Variants in TAF1B observed in about 807,000 individuals in gnomAD.
TAF1B encodes the protein TATA-box binding protein associated factor, RNA polymerase I subunit B.
A neutral mutation model predicts 83.9 loss-of-function variants in TAF1B; 61 were observed. The observed-to-expected ratio is 0.73, with a 90% CI of 0.59 to 0.90. The LOEUF is 0.90. Among genes scored for constraint, TAF1B ranks in the 40% least tolerant of loss-of-function variants. The probability of loss-of-function intolerance (pLI) is 0.00; values close to 1 mark genes in which losing one functional copy is unlikely to be tolerated. For synonymous variants in TAF1B, 221 were observed against 224.6 expected (o/e 0.98, Z 0.14); for missense variants, 625 against 677.0 (o/e 0.92, Z 0.85).
chr2:9,931,293 CA>C (rs1666203665), intron 14 of TAF1B, among the ~76,000 whole-genome samples: 1 of 152,208 alleles, frequency 6.6e-6, no homozygotes, highest in Admixed American at 6.5e-5. Flanking sequence ...CATGTTTTTG[CA>C]GCGGCTGATA....
chr2:9,870,511 A>G (rs1664134683), intron 6 of TAF1B, among the ~76,000 whole-genome samples: 1 of 152,110 alleles, frequency 6.6e-6, no homozygotes, highest in African/African-American at 2.4e-5. Context: ...TTTGTAGTCT[A>G]CCTTCAGCTA....
At chr2:9,887,435 G>A (rs1664713619) in intron 8 of TAF1B, among the ~76,000 whole-genome samples, 1 of 152,098 alleles carries the variant, frequency 6.6e-6, no homozygotes, top group South Asian at 2.1e-4. Context: ...TACTAGGTGT[G>A]TAACATTTAC....
At chr2:9,922,695 T>A (rs1054276568) in intron 14 of TAF1B, among the ~76,000 whole-genome samples, 1 of 152,158 alleles carries the variant, frequency 6.6e-6, no homozygotes, top group African/African-American at 2.4e-5. Context: ...TGTAAGGGCC[T>A]TGAGAATGTA....
intron 8 of TAF1B, among the ~76,000 whole-genome samples, chr2:9,892,770 A>G (rs572190777): frequency 5.9e-5 from 9 of 151,962 alleles, no homozygotes; most frequent in Admixed American, 4.6e-4. Context: ...TTTTTTTTGG[A>G]TATTATCCAG....
intron 6 of TAF1B, chr2:9,868,857 A>T: frequency 2.8e-6 from 1 of 352,030 alleles, no homozygotes; most frequent in Non-Finnish European, 5.6e-6. Context: ...ACCTTGTTAC[A>T]TGTGTGTTTT....
intron 12 of TAF1B, among the ~76,000 whole-genome samples, chr2:9,918,053 C>A (rs560190714): frequency 2.0e-5 from 3 of 147,408 alleles, no homozygotes; most frequent in African/African-American, 5.0e-5. Context: ...GCCTGGGCGA[C>A]AGAGCGAGAC....
At chr2:9,911,448 C>A in intron 10 of TAF1B, 63 bp from the exon 11 acceptor site, 1 of 1,298,094 alleles carries the variant, frequency 7.7e-7, no homozygotes, top group Non-Finnish European at 1.1e-6. Context: ...CAGAAGAATT[C>A]AGAATTTATC....
intron 8 of TAF1B, among the ~76,000 whole-genome samples, chr2:9,892,197 C>T (rs549721372): frequency 6.6e-6 from 1 of 152,288 alleles, no homozygotes; most frequent in Non-Finnish European, 1.5e-5. Context: ...CTACAGCATT[C>T]AGCAGTATAT....
At chr2:9,858,331 C>A (rs1663631211) in intron 5 of TAF1B, among the ~76,000 whole-genome samples, 1 of 152,222 alleles carries the variant, frequency 6.6e-6, no homozygotes, top group Non-Finnish European at 1.5e-5. Context: ...GGTGGTTTCA[C>A]AAGGTCTTGG....
chr2:9,920,499 G>C (rs947559318), intron 14 of TAF1B, among the ~76,000 whole-genome samples: 2 of 148,414 alleles, frequency 1.3e-5, no homozygotes, highest in Admixed American at 6.9e-5. Flanking sequence ...TTAGATTCAG[G>C]TTCTGCATCC....
intron 5 of TAF1B, among the ~76,000 whole-genome samples, chr2:9,854,681 G>T (rs1238411079): frequency 2.6e-5 from 4 of 152,112 alleles, no homozygotes; most frequent in African/African-American, 7.2e-5. Context: ...GGAATTTGTG[G>T]TTGATTTTCT....
intron 7 of TAF1B, among the ~76,000 whole-genome samples, chr2:9,878,947 T>C (rs554384833): frequency 6.6e-6 from 1 of 152,298 alleles, no homozygotes; most frequent in East Asian, 1.9e-4. Flanking sequence ...ATGGCTACTC[T>C]AGATTGGTTA....
chr2:9,924,269 T>C (rs1177266647), intron 14 of TAF1B, among the ~76,000 whole-genome samples: 1 of 152,128 alleles, frequency 6.6e-6, no homozygotes, highest in African/African-American at 2.4e-5. Context: ...CAGCCTTTTT[T>C]CTCAGAGAGC....
intron 8 of TAF1B, among the ~76,000 whole-genome samples, chr2:9,902,749 G>A (rs1665220201): frequency 6.6e-6 from 1 of 152,202 alleles, no homozygotes; most frequent in Non-Finnish European, 1.5e-5. Context: ...TTTCTGCTGA[G>A]TATACATAGC....
intron 6 of TAF1B, among the ~76,000 whole-genome samples, chr2:9,871,626 C>CT (rs1664170610): frequency 6.6e-6 from 1 of 152,124 alleles, no homozygotes; most frequent in Non-Finnish European, 1.5e-5. Flanking sequence ...ACATGGGAGA[C>CT]TAAAAAGTTG....
chr2:9,874,632 G>C (rs141704087), intron 6 of TAF1B, among the ~76,000 whole-genome samples: 71 of 152,188 alleles, frequency 4.7e-4, no homozygotes, highest in African/African-American at 1.7e-3. Flanking sequence ...TAGAATATAA[G>C]TTCTAAGAGA....
intron 5 of TAF1B, among the ~76,000 whole-genome samples, chr2:9,863,493 T>C (rs970320297): frequency 6.6e-6 from 1 of 152,022 alleles, no homozygotes; most frequent in African/African-American, 2.4e-5. Flanking sequence ...CACACAATAA[T>C]AATGGGAGAC....
At chr2:9,920,535 C>CCTCAGGGTATCATTT (rs1304622523) in intron 14 of TAF1B, among the ~76,000 whole-genome samples, 14 of 142,364 alleles carry the variant, frequency 9.8e-5, no homozygotes, top group Non-Finnish European at 1.8e-4. Context: ...GCCGTGTCCT[C>CCTCAGGGTATCATTT]CTCAGGGTAT....
At position 9,876,165 on chromosome 2, in the gene TAF1B, T is replaced by G. The variant is rs1392155769; in HGVS notation, c.707+147T>G. 5.4e-6 allele frequency: 4 copies of G among 743,248 alleles called. No homozygotes were observed. In the Admixed American group the frequency reaches 9.7e-5, roughly 18 times the overall value. The allele number at this position is 743,248 out of a possible 1,614,324, so 46.0% of individuals were successfully genotyped here. A position where few individuals can be genotyped will look rare whatever the true frequency, so the allele number is the denominator to read the frequency against. ...AGTAGCCTGAATTCTAATTCTGAAA[T>G]GTAATCCCCCCTGGGCTAGTAATTC... is the stretch of plus-strand genomic sequence containing the variant. On this transcript the variant is annotated intron_variant, in intron 7 of 14. Coordinates refer to ENST00000263663, the MANE Select transcript of TAF1B (RefSeq NM_005680.3).
Sources: allele counts gnomAD v4.1 joint callset (sites outside exome capture counted in the v4.1 genomes callset), GRCh38; gene constraint gnomAD v4.1.1; transcripts MANE v1.5; gene names NCBI Gene and HGNC (gene_info 2026-07-23, HGNC 2026-07-21).